The following INTS6L variants were observed in gnomAD, a reference collection of about 807,000 sequenced individuals.
INTS6L encodes integrator complex subunit 6-like.
In INTS6L, 18 loss-of-function variants were observed where a neutral mutation model predicts 64.7. The ratio of observed to expected loss-of-function variants is 0.28; its 90% confidence interval spans 0.19 to 0.41. INTS6L has a LOEUF of 0.41. Among genes scored for constraint, INTS6L ranks in the 10% least tolerant of loss-of-function variants. The pLI, the probability that INTS6L is intolerant of heterozygous loss-of-function variation, is 1.00. For synonymous variants in INTS6L, 227 were observed against 235.9 expected (o/e 0.96, Z 0.34); for missense variants, 533 against 661.0 (o/e 0.81, Z 2.12).
At chrX:135,566,987 G>C (rs2148661156) in intron 9 of INTS6L, among the ~76,000 whole-genome samples, 1 of 112,088 alleles carries the variant, frequency 8.9e-6, no homozygotes, top group East Asian at 2.8e-4. Flanking sequence ...CTATGTATCT[G>C]GTGCTTAACA....
At chrX:135,541,072 G>A (rs782541040) in intron 2 of INTS6L, among the ~76,000 whole-genome samples, 1 of 111,576 alleles carries the variant, frequency 9.0e-6, no homozygotes, top group Non-Finnish European at 1.9e-5. Context: ...GTGAGCCATC[G>A]CGCCTGGCCT....
At position 135,573,016 on chromosome X, in the gene INTS6L, A is replaced by T; in HGVS notation, c.1600A>T (p.Ile534Phe). The stretch of plus-strand genomic sequence containing the variant: ...CACCAAAGAATTTGCTGGCTTCCAA[A>T]TTGGGCTCTTAAACAAGGTAAATTG... ...LNTKEFAGFQ[I>F]GLLNKDLKPQ... The change falls in exon 12 of 18, where the codon ATT becomes TTT. Residue 534 changes from isoleucine (I) to phenylalanine (F), a missense_variant. Transcript: ENST00000639893. 1 of 1,207,306 alleles carries T rather than the reference A, an allele frequency of 8.3e-7. No individual in the cohort carries two copies. Among genetic ancestry groups the T allele is most frequent in the South Asian group, 1.8e-5 (1 of 56,582 alleles).
chrX:135,579,852 C>T lies in INTS6L; in HGVS notation c.2184C>T (p.Gly728=). 8.3e-7 allele frequency: 1 copy of T among 1,210,441 alleles called. No individual in the cohort carries two copies. Among genetic ancestry groups the T allele is most frequent in the Non-Finnish European group, 1.1e-6 (1 of 894,657 alleles). ...AAAATGGTCAGATCACACCTGATGG[C>T]TTCCTGTCAAAATCTGCTCCATCAG... is the stretch of plus-strand genomic sequence containing the variant. The part of the protein sequence containing the change: ...KMENGQITPD[G]FLSKSAPSEL... The change falls in exon 16 of 18, where the codon GGC becomes GGT. Residue 728 remains glycine (G), a synonymous_variant. Transcript: ENST00000639893.
intron 2 of INTS6L, among the ~76,000 whole-genome samples, chrX:135,523,904 T>C (rs1268083565): frequency 8.9e-6 from 1 of 112,114 alleles, no homozygotes; most frequent in Non-Finnish European, 1.9e-5. Context: ...GGAAGATACT[T>C]TTTGTAATAT....
At chrX:135,550,048 G>A (rs2086459507) in intron 7 of INTS6L, among the ~76,000 whole-genome samples, 1 of 112,012 alleles carries the variant, frequency 8.9e-6, no homozygotes, top group African/African-American at 3.2e-5. Flanking sequence ...GCCCTTTTTG[G>A]ATGTTAAAAC....
chrX:135,547,403 C>T (rs1308897506), intron 6 of INTS6L, 138 bp downstream of exon 6: 2 of 666,005 alleles, frequency 3.0e-6, no homozygotes, highest in African/African-American at 4.5e-5. Flanking sequence ...AACTACCACA[C>T]ATTCACTGCC....
chrX:135,521,153 G>T, intron 1 of INTS6L, 50 bp downstream of exon 1: 2 of 1,183,943 alleles, frequency 1.7e-6, no homozygotes, highest in Non-Finnish European at 2.3e-6. Context: ...GGGATTTCAG[G>T]GTGTGGATTG....
chrX:135,532,708 TAC>T (rs1417457799), intron 2 of INTS6L, among the ~76,000 whole-genome samples: 1 of 111,754 alleles, frequency 8.9e-6, no homozygotes, highest in Non-Finnish European at 1.9e-5. Flanking sequence ...TCCGAAAAAG[TAC>T]AGGAGAGAGT....
chrX:135,574,973 T>G, intron 13 of INTS6L, 111 bp from the exon 14 acceptor site: 3 of 774,746 alleles, frequency 3.9e-6, no homozygotes, highest in Non-Finnish European at 3.7e-6. Flanking sequence ...AGACTTTAAA[T>G]ACTATTTGAT....
intron 2 of INTS6L, among the ~76,000 whole-genome samples, chrX:135,543,287 C>T (rs553647927): frequency 6.2e-5 from 7 of 112,161 alleles, no homozygotes; most frequent in Middle Eastern, 4.6e-3. Context: ...ACTTTATAGT[C>T]AGAGCCCAAA....
intron 13 of INTS6L, among the ~76,000 whole-genome samples, chrX:135,574,510 A>G (rs2087172945): frequency 1.8e-5 from 2 of 111,914 alleles, no homozygotes; most frequent in African/African-American, 3.2e-5. Flanking sequence ...AAATGAAAGT[A>G]ATCAACCTAA....
Position 135,552,095 on chromosome X carries a change from G to T in INTS6L, c.1008G>T (p.Ser336=). The T allele has an allele frequency of 8.3e-7, 1 of 1,207,677 alleles. No individual in the cohort carries two copies. Among genetic ancestry groups the T allele is most frequent in the Non-Finnish European group, 1.1e-6 (1 of 894,198 alleles). ...TTGACAAATATGAACTTGAACCTTCGCCCTTAACTCAGTATATCTTGGAAC... is the reference window on the plus strand; with the variant it reads ...TTGACAAATATGAACTTGAACCTTCTCCCTTAACTCAGTATATCTTGGAAC... ...LPFDKYELEP[S]PLTQYILERK... Residue 336 remains serine (S), a synonymous_variant, in exon 8 of 18, where the codon TCG becomes TCT. Transcript: ENST00000639893.
intron 2 of INTS6L, among the ~76,000 whole-genome samples, chrX:135,534,685 T>TC (rs1351951450): frequency 1.2e-4 from 13 of 104,706 alleles, no homozygotes; most frequent in South Asian, 8.6e-4. Flanking sequence ...TTCTTTTCTT[T>TC]TTTTTTTTTT....
intron 2 of INTS6L, among the ~76,000 whole-genome samples, chrX:135,544,232 C>T (rs2086297474): frequency 8.9e-6 from 1 of 111,863 alleles, no homozygotes; most frequent in African/African-American, 3.3e-5. Context: ...AAGAAGCCAA[C>T]TGGTTTGCTC....
At chrX:135,548,812 C>G (rs1309088747) in intron 6 of INTS6L, among the ~76,000 whole-genome samples, 1 of 111,895 alleles carries the variant, frequency 8.9e-6, no homozygotes, top group Non-Finnish European at 1.9e-5. Context: ...AAATGAGACT[C>G]AAATCATTAA....
At chrX:135,567,064 A>G (rs2086970589) in intron 9 of INTS6L, among the ~76,000 whole-genome samples, 2 of 111,689 alleles carry the variant, frequency 1.8e-5, no homozygotes, top group Admixed American at 1.9e-4. Flanking sequence ...GTAGTTCCTT[A>G]GAATAGTCTT....
intron 2 of INTS6L, among the ~76,000 whole-genome samples, chrX:135,538,576 T>C (rs1172050636): frequency 8.9e-6 from 1 of 112,378 alleles, no homozygotes; most frequent in East Asian, 2.8e-4. Context: ...GAATCACGAA[T>C]GTTCTTAATG....
At chrX:135,543,357 G>A (rs1424210133) in intron 2 of INTS6L, among the ~76,000 whole-genome samples, 1 of 111,169 alleles carries the variant, frequency 9.0e-6, no homozygotes, top group African/African-American at 3.3e-5. Flanking sequence ...CAGATTACTG[G>A]TGGTTCTCAA....
chrX:135,546,585 C>T (rs1212693264), intron 4 of INTS6L, 116 bp downstream of exon 4: 3 of 1,007,205 alleles, frequency 3.0e-6, no homozygotes, highest in East Asian at 3.2e-5. Flanking sequence ...CTTGGTAATC[C>T]TTGAAAGACT....
Sources: allele counts gnomAD v4.1 joint callset (sites outside exome capture counted in the v4.1 genomes callset), GRCh38; gene constraint gnomAD v4.1.1; transcripts MANE v1.5; gene names NCBI Gene and HGNC (gene_info 2026-07-23, HGNC 2026-07-21).